The following ZNF451 variants were observed in gnomAD, a reference collection of about 807,000 sequenced individuals.
ZNF451 encodes the protein zinc finger protein 451.
A neutral mutation model predicts 107.1 loss-of-function variants in ZNF451; 80 were observed. The observed-to-expected ratio is 0.75, with a 90% confidence interval of 0.62 to 0.90. The LOEUF is 0.90. Ranked by LOEUF, ZNF451 falls within the 40% of genes least tolerant of loss-of-function variation. The probability of loss-of-function intolerance (pLI) is 0.00; values close to 1 mark genes in which losing one functional copy is unlikely to be tolerated. For synonymous variants in ZNF451, 362 were observed against 406.5 expected (o/e 0.89, Z 1.32); for missense variants, 1,107 against 1,236.2 (o/e 0.90, Z 1.57).
intron 13 of ZNF451, among the ~76,000 whole-genome samples, chr6:57,158,099 G>A (rs533342992): frequency 6.6e-6 from 1 of 152,224 alleles, no homozygotes; most frequent in African/African-American, 2.4e-5. Context: ...GTTCAGAAAG[G>A]TTAAATAATC....
chr6:57,105,330 T>C, intron 3 of ZNF451: 1 of 983,912 alleles, frequency 1.0e-6, no homozygotes, highest in Non-Finnish European at 1.2e-6. Context: ...AGAGACAATA[T>C]GGTTTCTTGT....
At chr6:57,130,696 A>T (rs9396261) in intron 5 of ZNF451, among the ~76,000 whole-genome samples, 17,896 of 152,140 alleles carry the variant, frequency 0.12, 1,291 homozygotes, top group African/African-American at 0.19. Context: ...GCATTGTAAA[A>T]TGAATCTTGA....
intron 14 of ZNF451, among the ~76,000 whole-genome samples, chr6:57,166,539 C>CT (rs2127989922): frequency 6.6e-6 from 1 of 152,150 alleles, no homozygotes; most frequent in Admixed American, 6.5e-5. Context: ...ACTTTTAAAA[C>CT]TTTTTTGTTA....
At chr6:57,099,235 A>G in intron 3 of ZNF451, 94 bp downstream of exon 3, 1 of 974,954 alleles carries the variant, frequency 1.0e-6, no homozygotes, top group South Asian at 1.4e-5. Flanking sequence ...GGCTGTGTTT[A>G]GAAATAGCCA....
intron 3 of ZNF451, chr6:57,108,752 A>C (rs1301259559): frequency 1.0e-6 from 1 of 985,442 alleles, no homozygotes; most frequent in Non-Finnish European, 1.2e-6. Flanking sequence ...CTGGGAAGGC[A>C]GTAGAAGAAA....
intron 10 of ZNF451, among the ~76,000 whole-genome samples, chr6:57,149,993 T>A (rs566816713): frequency 1.1e-4 from 16 of 152,314 alleles, no homozygotes; most frequent in East Asian, 7.7e-4. Flanking sequence ...ATTCATTTTT[T>A]AAATAATATA....
intron 7 of ZNF451, 152 bp downstream of exon 7, chr6:57,135,022 G>T (rs1277996599): frequency 1.0e-5 from 7 of 676,750 alleles, no homozygotes; most frequent in Non-Finnish European, 9.4e-6. Flanking sequence ...AATGATTTGG[G>T]CCATTTAGTT....
chr6:57,106,585 C>T (rs1274513740), intron 3 of ZNF451: 30 of 979,458 alleles, frequency 3.1e-5, no homozygotes, highest in East Asian at 1.1e-4. Context: ...GGATTATAGG[C>T]GTGAGCCACC....
chr6:57,153,432 G>A (rs1374160004), intron 12 of ZNF451, among the ~76,000 whole-genome samples: 2 of 148,894 alleles, frequency 1.3e-5, no homozygotes, highest in Non-Finnish European at 3.0e-5. Flanking sequence ...TTTTTGAGAC[G>A]GAGTGTCACT....
At chr6:57,100,941 A>C (rs1002617895) in intron 3 of ZNF451, 1 of 1,551,018 alleles carries the variant, frequency 6.4e-7, no homozygotes. Context: ...CTTCAGCTTC[A>C]CAGCATGGAC....
chr6:57,147,563 CA>C lies in ZNF451; in HGVS notation c.1481del (p.Asn494ThrfsTer24). On this transcript the variant is annotated frameshift_variant, in exon 10 of 15. Transcript: ENST00000370706. LOFTEE classifies it high-confidence loss of function. ...EDAVEKHVFSANTMGYKCVVC... is the reference protein window; with the variant it reads ...EDAVEKHVFSXNTMGYKCVVC... Reference sequence around the variant, plus strand: ...GCAGTAGAAAAGCATGTTTTCTCAGCAAACACAATGGGTTATAAATGTGTGG... The same window carrying C: ...GCAGTAGAAAAGCATGTTTTCTCAGCAACACAATGGGTTATAAATGTGTGG... 1.2e-6 allele frequency: 2 copies of C among 1,614,086 alleles called. No homozygotes were observed. The highest frequency in any genetic ancestry group is 1.7e-6 in the Non-Finnish European group (2 of 1,179,976).
chr6:57,109,411 A>G (rs1830013378), intron 3 of ZNF451: 1 of 985,354 alleles, frequency 1.0e-6, no homozygotes, highest in African/African-American at 1.7e-5. Context: ...CCTCAGCATT[A>G]GCAAGTCACT....
chr6:57,124,338 G>A, intron 3 of ZNF451: 2 of 696,256 alleles, frequency 2.9e-6, no homozygotes, highest in Non-Finnish European at 5.2e-6. Context: ...ATCCATTAGA[G>A]TTTAGTTTCC....
At chr6:57,160,752 A>G (rs1381062404) in intron 13 of ZNF451, 5 of 183,528 alleles carry the variant, frequency 2.7e-5, no homozygotes, top group Non-Finnish European at 5.6e-5. Flanking sequence ...TTTCAGTCAT[A>G]CCGTATTATA....
At chr6:57,111,201 G>T (rs1039670211) in intron 3 of ZNF451, among the ~76,000 whole-genome samples, 1 of 151,570 alleles carries the variant, frequency 6.6e-6, no homozygotes, top group Non-Finnish European at 1.5e-5. Context: ...GATTGCAGGC[G>T]TGAGCCACCG....
At chr6:57,110,431 C>T (rs1830057709) in intron 3 of ZNF451, among the ~76,000 whole-genome samples, 2 of 152,112 alleles carry the variant, frequency 1.3e-5, no homozygotes, top group African/African-American at 4.8e-5. Flanking sequence ...CGGAACTGAG[C>T]CCAAGGTGGG....
intron 14 of ZNF451, chr6:57,165,892 A>G (rs1217752192): frequency 6.6e-6 from 1 of 152,260 alleles, no homozygotes; most frequent in Non-Finnish European, 1.5e-5. Context: ...TGTATAAGGT[A>G]CTTACCCTGA....
In ZNF451 at chr6:57,148,708, C is replaced by T. The variant is rs1408343169; in HGVS notation, c.2608+15C>T. The stretch of plus-strand genomic sequence containing the variant: ...TCAGAATATAGGTATGGCTTTATAG[C>T]TCTATGCAAATTTCATATACTGATA... On this transcript the variant is annotated intron_variant, in intron 10 of 14. Transcript: ENST00000370706. 5.8e-6 allele frequency: 9 copies of T among 1,559,340 alleles called. No individual in the cohort carries two copies. The highest frequency in any genetic ancestry group is 7.8e-6 in the Non-Finnish European group (9 of 1,157,032).
intron 7 of ZNF451, among the ~76,000 whole-genome samples, chr6:57,140,717 T>G (rs1005327838): frequency 6.6e-6 from 1 of 152,176 alleles, no homozygotes; most frequent in African/African-American, 2.4e-5. Flanking sequence ...TTGAATAGAT[T>G]GACACCATGG....
Sources: gnomAD v4.1 joint callset for allele counts (sites outside exome capture counted in the v4.1 genomes callset) on GRCh38, gnomAD v4.1.1 for gene constraint, MANE v1.5 for transcripts, NCBI Gene and HGNC (gene_info 2026-07-23, HGNC 2026-07-21) for gene names.